The following DOCK3 variants were observed in gnomAD, a reference collection of about 807,000 sequenced individuals.
DOCK3 encodes the protein dedicator of cytokinesis 3, also known as dedicator of cytokinesis protein 3.
DOCK3 carries 60 observed loss-of-function variants against 265.6 expected under a neutral mutation model. The ratio of observed to expected loss-of-function variants is 0.23; its 90% CI spans 0.18 to 0.28. The LOEUF is 0.28. Among genes scored for constraint, DOCK3 ranks in the 10% least tolerant of loss-of-function variants. The pLI is 1.00. For synonymous variants in DOCK3, 881 were observed against 938.0 expected (o/e 0.94, Z 1.11); for missense variants, 1,981 against 2,594.3 (o/e 0.76, Z 5.14).
At chr3:50,691,350 A>G (rs1386741433) in intron 1 of DOCK3, among the ~76,000 whole-genome samples, 1 of 151,608 alleles carries the variant, frequency 6.6e-6, no homozygotes, top group East Asian at 1.9e-4. Context: ...TTCACTTAGC[A>G]TGAGGTCTTC....
At chr3:51,229,748 C>T in intron 19 of DOCK3, 139 bp downstream of exon 19, 1 of 529,488 alleles carries the variant, frequency 1.9e-6, no homozygotes. Flanking sequence ...TTGTTAGCTT[C>T]CTTTTCCTCT....
intron 12 of DOCK3, among the ~76,000 whole-genome samples, chr3:51,186,162 T>A (rs1214569785): frequency 6.6e-6 from 1 of 152,144 alleles, no homozygotes; most frequent in Non-Finnish European, 1.5e-5. Flanking sequence ...ATGCTGATAG[T>A]GATATGGACA....
intron 3 of DOCK3, among the ~76,000 whole-genome samples, chr3:50,842,842 TGAA>T (rs2045904157): frequency 6.6e-6 from 1 of 152,204 alleles, no homozygotes; most frequent in Non-Finnish European, 1.5e-5. Context: ...TTAAAATTGT[TGAA>T]AAGTTAGAAC....
intron 9 of DOCK3, among the ~76,000 whole-genome samples, chr3:51,131,283 A>G (rs551296538): frequency 6.6e-6 from 1 of 152,264 alleles, no homozygotes; most frequent in South Asian, 2.1e-4. Context: ...GGCCACAATG[A>G]CATTTTGGGT....
intron 5 of DOCK3, among the ~76,000 whole-genome samples, chr3:51,009,793 G>A (rs2078866680): frequency 6.6e-6 from 1 of 152,176 alleles, no homozygotes; most frequent in Admixed American, 6.5e-5. Context: ...CTTTAAATGT[G>A]TCCCAGTGAT....
At chr3:51,088,163 C>T (rs1256249473) in intron 7 of DOCK3, among the ~76,000 whole-genome samples, 1 of 152,060 alleles carries the variant, frequency 6.6e-6, no homozygotes, top group Non-Finnish European at 1.5e-5. Flanking sequence ...AGACAAATAT[C>T]TCATGTTCTA....
chr3:50,974,520 G>A (rs1313286797), intron 5 of DOCK3, among the ~76,000 whole-genome samples: 7 of 151,030 alleles, frequency 4.6e-5, no homozygotes, highest in Admixed American at 4.6e-4. Flanking sequence ...GGTACCAGTA[G>A]CATGCTGTTT....
At chr3:50,988,489 C>T (rs1262421462) in intron 5 of DOCK3, among the ~76,000 whole-genome samples, 7 of 152,076 alleles carry the variant, frequency 4.6e-5, no homozygotes, top group East Asian at 1.9e-4. Flanking sequence ...TCCGAAGCGA[C>T]GGGGCCAAAG....
intron 4 of DOCK3, among the ~76,000 whole-genome samples, chr3:50,899,833 A>G (rs983490375): frequency 6.6e-6 from 1 of 152,052 alleles, no homozygotes; most frequent in African/African-American, 2.4e-5. Flanking sequence ...TCTGGCTTGT[A>G]GGGTTTCTGC....
chr3:51,221,603 C>G lies in DOCK3; in HGVS notation c.1253-4046C>G, dbSNP rs533612539. The stretch of plus-strand genomic sequence containing the variant: ...AGCTGTACCAACAGATCCTGTGAGA[C>G]TGTAAAAGGGACAGATACTTTATTC... On this transcript the variant is annotated intron_variant, in intron 14 of 52. Transcript: ENST00000266037. Among the ~76,000 whole-genome samples the G allele has an allele frequency of 1.5e-4, 23 of 152,310 alleles. 1 individual carries two copies. Among genetic ancestry groups the G allele is most frequent in the Admixed American group, 1.3e-3 (20 of 15,292 alleles).
At chr3:51,327,414 A>T (rs370347793) in intron 32 of DOCK3, among the ~76,000 whole-genome samples, 1 of 152,208 alleles carries the variant, frequency 6.6e-6, no homozygotes, top group African/African-American at 2.4e-5. Flanking sequence ...CACAGGACAA[A>T]TATTTGTTGA....
intron 13 of DOCK3, among the ~76,000 whole-genome samples, chr3:51,213,788 A>G (rs938306606): frequency 6.6e-6 from 1 of 152,114 alleles, no homozygotes; most frequent in Non-Finnish European, 1.5e-5. Context: ...TAAATATACA[A>G]CTTATGTAGT....
At chr3:50,869,536 A>T (rs2047336796) in intron 3 of DOCK3, among the ~76,000 whole-genome samples, 1 of 150,926 alleles carries the variant, frequency 6.6e-6, no homozygotes, top group South Asian at 2.1e-4. Context: ...ATGCCCAGCT[A>T]ATTTCTTGTG....
intron 3 of DOCK3, among the ~76,000 whole-genome samples, chr3:50,844,912 T>C (rs2107303273): frequency 6.6e-6 from 1 of 152,314 alleles, no homozygotes; most frequent in South Asian, 2.1e-4. Flanking sequence ...GTTATGTATT[T>C]GTTAGAGTCA....
At chr3:50,706,401 C>T (rs971099933) in intron 1 of DOCK3, among the ~76,000 whole-genome samples, 3 of 152,108 alleles carry the variant, frequency 2.0e-5, no homozygotes, top group Non-Finnish European at 4.4e-5. Flanking sequence ...TCTTTCAGTA[C>T]TTTGAATATA....
At chr3:51,146,723 T>C in intron 10 of DOCK3, 93 bp downstream of exon 10, 2 of 1,149,228 alleles carry the variant, frequency 1.7e-6, no homozygotes, top group Non-Finnish European at 2.5e-6. Flanking sequence ...GCATTTAGTC[T>C]TATTTCCATA....
chr3:51,207,557 A>C (rs1473616329), intron 12 of DOCK3, among the ~76,000 whole-genome samples: 2 of 152,128 alleles, frequency 1.3e-5, no homozygotes, highest in African/African-American at 4.8e-5. Context: ...TGAGTAAATG[A>C]GATATATTTT....
At chr3:50,745,428 C>T (rs926832673) in intron 1 of DOCK3, among the ~76,000 whole-genome samples, 8 of 152,142 alleles carry the variant, frequency 5.3e-5, no homozygotes, top group Non-Finnish European at 1.2e-4. Context: ...TCTTCCAATC[C>T]ATGAATATGG....
chr3:50,690,584 C>T (rs2035158221), intron 1 of DOCK3, among the ~76,000 whole-genome samples: 1 of 152,168 alleles, frequency 6.6e-6, no homozygotes, highest in South Asian at 2.1e-4. Flanking sequence ...CACCCCCAAC[C>T]CCTGGCAACT....
Sources: allele counts gnomAD v4.1 joint callset (sites outside exome capture counted in the v4.1 genomes callset), GRCh38; gene constraint gnomAD v4.1.1; transcripts MANE v1.5; gene names NCBI Gene and HGNC (gene_info 2026-07-23, HGNC 2026-07-21).